The following FRMD5 variants were observed in gnomAD, a reference collection of about 807,000 sequenced individuals.
FRMD5 encodes FERM domain-containing protein 5.
Under a neutral mutation model 69.0 loss-of-function variants are expected in FRMD5, and 20 were observed. That is an observed-to-expected ratio of 0.29 (90% confidence interval 0.20 to 0.42). The LOEUF (loss-of-function observed/expected upper bound fraction) is 0.42, where lower values mean the gene tolerates loss of function less well. FRMD5 is among the 10% of genes least tolerant of loss of function. The pLI, the probability that FRMD5 is intolerant of heterozygous loss-of-function variation, is 1.00. For missense variants in FRMD5, 595 were observed against 708.6 expected, an observed-to-expected ratio of 0.84 and a Z score of 1.82; for synonymous variants, 271 against 260.1, an observed-to-expected ratio of 1.04 and a Z score of -0.40.
chr15:43,985,580 C>T (rs552835835), intron 1 of FRMD5, among the ~76,000 whole-genome samples: 2 of 152,262 alleles, frequency 1.3e-5, no homozygotes, highest in Non-Finnish European at 2.9e-5. Context: ...CACCCAGGAC[C>T]TTTACAGAGT....
intron 1 of FRMD5, among the ~76,000 whole-genome samples, chr15:44,069,249 A>G (rs1382687174): frequency 6.6e-6 from 1 of 152,184 alleles, no homozygotes; most frequent in Non-Finnish European, 1.5e-5. Context: ...TGGTACAGCC[A>G]CTCTGGGAAA....
chr15:44,142,230 T>C (rs539143473), intron 1 of FRMD5, among the ~76,000 whole-genome samples: 1 of 152,184 alleles, frequency 6.6e-6, no homozygotes, highest in African/African-American at 2.4e-5. Flanking sequence ...CAGTCCATAT[T>C]TTTCTATCTG....
rs1033004097 is a variant in FRMD5 at position 43,878,463 on chromosome 15, T to C, written c.1136-4001A>G. Among the ~76,000 whole-genome samples, 3 of 152,184 alleles carry C rather than the reference T, an allele frequency of 2.0e-5. No individual in the cohort carries two copies. The East Asian group carries it at 5.8e-4, about 29-fold the overall frequency. On this transcript the variant is annotated intron_variant, in intron 13 of 13. Coordinates refer to ENST00000417257, the MANE Select transcript of FRMD5 (RefSeq NM_032892.5). ...AAACTGTTTTGAAATAACCTGAAAT[T>C]AAGAGTCTCTGTCCCTTGTTCTAGA...
chr15:44,178,662 TTA>T (rs1250387688), intron 1 of FRMD5, among the ~76,000 whole-genome samples: 1 of 152,076 alleles, frequency 6.6e-6, no homozygotes, highest in East Asian at 1.9e-4. Context: ...GTCCTCTAAC[TTA>T]GAGGGGAAAT....
chr15:44,098,957 T>C (rs2076596573), intron 1 of FRMD5, among the ~76,000 whole-genome samples: 1 of 152,196 alleles, frequency 6.6e-6, no homozygotes, highest in Admixed American at 6.5e-5. Context: ...CTCCTGGACA[T>C]GTTTATAAAG....
At chr15:44,097,181 T>C (rs781079658) in intron 1 of FRMD5, among the ~76,000 whole-genome samples, 3 of 152,220 alleles carry the variant, frequency 2.0e-5, no homozygotes, top group Non-Finnish European at 4.4e-5. Flanking sequence ...CAAAACCACT[T>C]TGTTCTCTGA....
chr15:44,186,453 T>C (rs553007390), intron 1 of FRMD5, among the ~76,000 whole-genome samples: 1 of 152,160 alleles, frequency 6.6e-6, no homozygotes, highest in South Asian at 2.1e-4. Context: ...TGAAGGATAA[T>C]TTGCCTGACT....
chr15:44,037,588 CT>C lies in FRMD5; in HGVS notation c.103-113280del, dbSNP rs890404977. Among the ~76,000 whole-genome samples the C allele has an allele frequency of 6.0e-4, 91 of 151,726 alleles. 1 individual carries two copies. The highest frequency in any genetic ancestry group is 2.2e-3 in the African/African-American group (91 of 41,324). ...GTTCGAGCAATTCTCCTGCCTCAGC[CT>C]CCCAAGTAGCTGGGACTACAGGTGC... On this transcript the variant is annotated intron_variant, in intron 1 of 13. Transcript: ENST00000417257.
intron 1 of FRMD5, among the ~76,000 whole-genome samples, chr15:43,931,409 A>G (rs2089673356): frequency 6.6e-6 from 1 of 151,606 alleles, no homozygotes. Flanking sequence ...TCTCTCTCAC[A>G]CTTATACCCC....
At chr15:43,950,832 A>C (rs898278360) in intron 1 of FRMD5, among the ~76,000 whole-genome samples, 5 of 152,208 alleles carry the variant, frequency 3.3e-5, no homozygotes, top group Admixed American at 6.5e-5. Flanking sequence ...TAACAGTTGA[A>C]TGCTTCCCCT....
intron 1 of FRMD5, among the ~76,000 whole-genome samples, chr15:44,123,255 G>T (rs1009391252): frequency 2.6e-5 from 4 of 151,530 alleles, no homozygotes; most frequent in South Asian, 2.1e-4. Flanking sequence ...TGAGACAGGA[G>T]AATCACTTGA....
chr15:44,090,183 TTTTAGATCCCA>T (rs1278731888), intron 1 of FRMD5, among the ~76,000 whole-genome samples: 3 of 152,130 alleles, frequency 2.0e-5, no homozygotes, highest in African/African-American at 7.2e-5. Context: ...CAGGGTACAA[TTTTAGATCCCA>T]TTTATAAGCT....
chr15:43,880,301 A>G (rs1467089055), intron 13 of FRMD5, among the ~76,000 whole-genome samples: 2 of 152,158 alleles, frequency 1.3e-5, no homozygotes, highest in East Asian at 3.9e-4. Flanking sequence ...AAATGCCTCT[A>G]AATTCCTTGG....
intron 1 of FRMD5, among the ~76,000 whole-genome samples, chr15:43,974,002 A>G (rs2090427419): frequency 6.6e-6 from 1 of 151,490 alleles, no homozygotes; most frequent in Non-Finnish European, 1.5e-5. Flanking sequence ...ATCCCATTGA[A>G]CATATCAAAT....
intron 1 of FRMD5, among the ~76,000 whole-genome samples, chr15:44,150,119 T>A (rs1173610474): frequency 1.3e-5 from 2 of 152,134 alleles, no homozygotes; most frequent in Non-Finnish European, 2.9e-5. Context: ...CTTTTTGTGA[T>A]AAAAACATTC....
intron 1 of FRMD5, among the ~76,000 whole-genome samples, chr15:43,973,417 G>C (rs953061282): frequency 6.6e-6 from 1 of 150,992 alleles, no homozygotes; most frequent in East Asian, 1.9e-4. Context: ...ACAGGCTGGA[G>C]TGCAATGGCA....
chr15:43,943,258 A>G (rs565356701), intron 1 of FRMD5, among the ~76,000 whole-genome samples: 1 of 152,168 alleles, frequency 6.6e-6, no homozygotes, highest in Non-Finnish European at 1.5e-5. Flanking sequence ...AAAAGAAAAG[A>G]AAAAAGAGAC....
In FRMD5 at chr15:44,117,991, C is replaced by CTTTT. The variant is rs747747488; in HGVS notation, c.102+76958_102+76961dup. ...CTGGATTCCATTTCTTTCTTTTTTA[C>CTTTT]TTTTTTTTTTTTTTTTTTTTTTTTG... On this transcript the variant is annotated intron_variant, in intron 1 of 13. Coordinates refer to ENST00000417257, the MANE Select transcript of FRMD5 (RefSeq NM_032892.5). 1.5e-3 allele frequency among the ~76,000 whole-genome samples: 135 copies of CTTTT among 92,604 alleles called. 6 individuals carry two copies. Among genetic ancestry groups the CTTTT allele is most frequent in the African/African-American group, 5.4e-3 (117 of 21,618 alleles). 60.8% of individuals were successfully genotyped at this position (92,604 alleles called of 152,430 possible).
In FRMD5 at chr15:43,872,271, T is replaced by G. The variant is rs2088179058; in HGVS notation, c.*1614A>C. Reference sequence around the variant, plus strand: ...AGTTGTCATATTGTAAACATGGACATGGTTCTACCATCTCGGGGGACAAAA... The same window carrying G: ...AGTTGTCATATTGTAAACATGGACAGGGTTCTACCATCTCGGGGGACAAAA... On this transcript the variant is annotated 3_prime_UTR_variant, in exon 14 of 14. Coordinates refer to ENST00000417257, the MANE Select transcript of FRMD5 (RefSeq NM_032892.5). 6.6e-6 allele frequency: 1 copy of G among 152,216 alleles called. No homozygotes were observed. Among genetic ancestry groups the G allele is most frequent in the South Asian group, 2.1e-4 (1 of 4,832 alleles). The allele number at this position is 152,216 out of a possible 1,614,324, so 9.4% of individuals were successfully genotyped here.
Sources: allele counts gnomAD v4.1 joint callset (sites outside exome capture counted in the v4.1 genomes callset), GRCh38; gene constraint gnomAD v4.1.1; transcripts MANE v1.5; gene names NCBI Gene and HGNC (gene_info 2026-07-23, HGNC 2026-07-21).